Variants in KIF13A observed in about 807,000 individuals in gnomAD.
KIF13A encodes the protein kinesin family member 13A.
A neutral mutation model predicts 212.2 loss-of-function variants in KIF13A; 79 were observed. The ratio of observed to expected loss-of-function variants is 0.37; its 90% CI spans 0.31 to 0.45. KIF13A has a LOEUF of 0.45. Among genes scored for constraint, KIF13A ranks in the 20% least tolerant of loss-of-function variants. The pLI is 1.00. For missense variants in KIF13A, 1,901 were observed against 2,209.0 expected (o/e 0.86, Z 2.79); for synonymous variants, 789 against 808.6 (o/e 0.98, Z 0.41).
intron 3 of KIF13A, among the ~76,000 whole-genome samples, chr6:17,894,461 C>A (rs1458342432): frequency 6.6e-6 from 1 of 152,074 alleles, no homozygotes; most frequent in African/African-American, 2.4e-5. Context: ...TTTTCTTTTT[C>A]ATTCTGTTAA....
At chr6:17,807,675 A>G (rs1279178511) in intron 18 of KIF13A, among the ~76,000 whole-genome samples, 1 of 152,044 alleles carries the variant, frequency 6.6e-6, no homozygotes, top group South Asian at 2.1e-4. Context: ...TGTCCTTTGA[A>G]GCATGTGATC....
intron 2 of KIF13A, among the ~76,000 whole-genome samples, chr6:17,908,074 AAGAC>A (rs1391207733): frequency 6.6e-6 from 1 of 152,150 alleles, no homozygotes; most frequent in Non-Finnish European, 1.5e-5. Context: ...GTAGGACAGA[AAGAC>A]AGAACACAAA....
chr6:17,877,937 C>T (rs2150444936), intron 3 of KIF13A, among the ~76,000 whole-genome samples: 1 of 152,342 alleles, frequency 6.6e-6, no homozygotes, highest in African/African-American at 2.4e-5. Flanking sequence ...CATTAATTCA[C>T]TTATCCATTC....
chr6:17,835,195 CAAAAAAAAAAAAAA>C (rs61697144), intron 11 of KIF13A, among the ~76,000 whole-genome samples: 12 of 45,910 alleles, frequency 2.6e-4, no homozygotes, highest in African/African-American at 7.0e-4. Context: ...CCGCCCCCGC[CAAAAAAAAAAAAAA>C]AAAAAAAAAA....
At chr6:17,804,551 CATA>C (rs1762767229) in intron 19 of KIF13A, 41 bp from the exon 20 acceptor site, 1 of 1,473,434 alleles carries the variant, frequency 6.8e-7, no homozygotes, top group African/African-American at 1.4e-5. Flanking sequence ...GAATAAGAAA[CATA>C]ACATCAATTT....
intron 2 of KIF13A, among the ~76,000 whole-genome samples, chr6:17,911,303 G>A (rs1774038479): frequency 6.6e-6 from 1 of 152,194 alleles, no homozygotes; most frequent in African/African-American, 2.4e-5. Flanking sequence ...CTCCACCACT[G>A]ACCGCAGCCC....
intron 4 of KIF13A, among the ~76,000 whole-genome samples, chr6:17,866,619 G>C (rs1769394385): frequency 6.6e-6 from 1 of 151,772 alleles, no homozygotes; most frequent in Non-Finnish European, 1.5e-5. Context: ...GCATGTAGAG[G>C]GATCGGCACA....
rs1344233197 is a variant in KIF13A, at chr6:17,915,211, C to T, written c.147-17031G>A. On this transcript the variant is annotated intron_variant, in intron 2 of 38. Coordinates refer to ENST00000259711, the MANE Select transcript of KIF13A (RefSeq NM_022113.6). The surrounding 1 kb of genome is among the most constrained non-coding windows in gnomAD (Gnocchi z 4.4). ...AATCCCTTAGGTTACAGTTGAGACA[C>T]ACAAACGGCCTTTTATGAGAGTCAG... 6.6e-6 allele frequency among the ~76,000 whole-genome samples: 1 copy of T among 152,146 alleles called. No homozygotes were observed. Among genetic ancestry groups the T allele is most frequent in the East Asian group, 1.9e-4 (1 of 5,192 alleles).
chr6:17,950,093 G>A (rs1475421651), intron 2 of KIF13A, among the ~76,000 whole-genome samples: 1 of 152,066 alleles, frequency 6.6e-6, no homozygotes, highest in Non-Finnish European at 1.5e-5. Flanking sequence ...GACCCAAATA[G>A]TTTTCCTAGG....
In KIF13A at chr6:17,850,468, A is replaced by G; in HGVS notation, c.583-11T>C. The stretch of plus-strand genomic sequence containing the variant: ...CAATGACTCAATATCCTAGGGGCAA[A>G]GCATAAGGAAAAGACCATAAGCAAA... On this transcript the variant is annotated splice_polypyrimidine_tract_variant and intron_variant, in intron 7 of 38. Coordinates refer to ENST00000259711, the MANE Select transcript of KIF13A (RefSeq NM_022113.6). The surrounding 1 kb of genome is among the most constrained non-coding windows in gnomAD (Gnocchi z 6.2). 6.2e-7 allele frequency: 1 copy of G among 1,607,616 alleles called. No individual in the cohort carries two copies. The highest frequency in any genetic ancestry group is 8.5e-7 in the Non-Finnish European group (1 of 1,176,754).
At chr6:17,842,719 A>T (rs1011616127) in intron 9 of KIF13A, among the ~76,000 whole-genome samples, 12 of 151,510 alleles carry the variant, frequency 7.9e-5, no homozygotes, top group African/African-American at 2.4e-4. Flanking sequence ...TTAAGATAGA[A>T]TTTTTTTTAA....
At chr6:17,791,865 A>G (rs1361297476) in intron 25 of KIF13A, among the ~76,000 whole-genome samples, 1 of 140,616 alleles carries the variant, frequency 7.1e-6, no homozygotes, top group Non-Finnish European at 1.5e-5. Flanking sequence ...GTGCCACCAC[A>G]CTCCAGCCTG....
chr6:17,978,659 A>T (rs953815687), intron 2 of KIF13A, among the ~76,000 whole-genome samples: 1 of 152,216 alleles, frequency 6.6e-6, no homozygotes, highest in Non-Finnish European at 1.5e-5. Context: ...CTTCCAGGGA[A>T]GATTTGAGAA....
intron 20 of KIF13A, among the ~76,000 whole-genome samples, chr6:17,803,745 A>G (rs996104969): frequency 2.0e-5 from 3 of 152,334 alleles, no homozygotes; most frequent in Admixed American, 6.5e-5. Context: ...CTTTAAAAAG[A>G]GAGAGCGATA....
rs373485134 is a variant in KIF13A at position 17,945,859 on chromosome 6, C to A, written c.146+41195G>T. Among the ~76,000 whole-genome samples, 15 of 152,214 alleles carry A rather than the reference C, an allele frequency of 9.9e-5. No individual in the cohort carries two copies. The East Asian group carries it at 2.3e-3, about 24-fold the overall frequency. On this transcript the variant is annotated intron_variant, in intron 2 of 38. Coordinates refer to ENST00000259711, the MANE Select transcript of KIF13A (RefSeq NM_022113.6). ...AAACAGAACACCGAAACAGAAGAGA[C>A]GGCCCTGAAAATGATCCTCAGTTAT...
At chr6:17,924,215 C>CA (rs1346988064) in intron 2 of KIF13A, among the ~76,000 whole-genome samples, 1 of 152,092 alleles carries the variant, frequency 6.6e-6, no homozygotes, top group African/African-American at 2.4e-5. Flanking sequence ...TTCACGTGCT[C>CA]AAAAAAGCCA....
At position 17,977,810 on chromosome 6, in the gene KIF13A, G is replaced by A. The variant is rs573040563; in HGVS notation, c.146+9244C>T. Among the ~76,000 whole-genome samples the A allele has an allele frequency of 1.4e-4, 22 of 152,192 alleles. No homozygotes were observed. The Middle Eastern group carries it at 0.01, about 71-fold the overall frequency. On this transcript the variant is annotated intron_variant, in intron 2 of 38. Transcript: ENST00000259711. ...GTTGGTGTGCTGCACCCATTAACTC[G>A]TCATTTACATTAGGTATATTTCCTA...
At chr6:17,920,247 TA>T (rs150957592) in intron 2 of KIF13A, among the ~76,000 whole-genome samples, 18 of 148,996 alleles carry the variant, frequency 1.2e-4, no homozygotes, top group African/African-American at 2.7e-4. Context: ...GAAACATGTC[TA>T]AAAAAAAAAT....
chr6:17,890,343 A>G (rs1404196749), intron 3 of KIF13A, among the ~76,000 whole-genome samples: 1 of 152,104 alleles, frequency 6.6e-6, no homozygotes, highest in Non-Finnish European at 1.5e-5. Flanking sequence ...GCTCCTCAGG[A>G]AGGAAAGAAA....
Sources: allele counts gnomAD v4.1 joint callset (sites outside exome capture counted in the v4.1 genomes callset), GRCh38; gene constraint gnomAD v4.1.1; non-coding constraint Gnocchi (gnomAD v3.1); transcripts MANE v1.5; gene names NCBI Gene and HGNC (gene_info 2026-07-23, HGNC 2026-07-21).